ABCC4: variants seen among roughly 807,000 people sequenced by gnomAD.
The protein encoded by ABCC4 is ATP-binding cassette sub-family C member 4.
Under a neutral mutation model 168.5 loss-of-function variants are expected in ABCC4, and 102 were observed. The ratio of observed to expected loss-of-function variants is 0.61; its 90% CI spans 0.52 to 0.71. The LOEUF is 0.71. ABCC4 is among the 30% of genes least tolerant of loss of function. The pLI is 0.00. For missense variants in ABCC4, 1,402 were observed against 1,605.8 expected, an observed-to-expected ratio of 0.87 and a Z score of 2.17; for synonymous variants, 617 against 590.7, an observed-to-expected ratio of 1.04 and a Z score of -0.65.
intron 1 of ABCC4, among the ~76,000 whole-genome samples, chr13:95,252,979 G>C (rs1360374538): frequency 6.6e-6 from 1 of 152,210 alleles, no homozygotes; most frequent in South Asian, 2.1e-4. Context: ...AGTATCTGCT[G>C]TCTGGTGACC....
At chr13:95,238,773 G>A (rs2039849004) in intron 3 of ABCC4, among the ~76,000 whole-genome samples, 1 of 152,146 alleles carries the variant, frequency 6.6e-6, no homozygotes, top group South Asian at 2.1e-4. Context: ...GTCCAGGCTG[G>A]TCTCGAACTC....
intron 14 of ABCC4, 27 bp from the exon 15 acceptor site, chr13:95,166,394 G>A (rs1377003800): frequency 4.3e-5 from 67 of 1,567,992 alleles, no homozygotes; most frequent in Non-Finnish European, 5.6e-5. Context: ...GAATTTCAGA[G>A]AGATACATGT....
Position 95,115,563 on chromosome 13 carries a change from T to A in ABCC4, c.2535+359A>T, listed in dbSNP as rs912794760. ...TGTGGTAATACAATGCATAATTTAG[T>A]TAATCTAGGCTATCTTTCCGTGAGA... On this transcript the variant is annotated intron_variant, in intron 20 of 30. Transcript: ENST00000645237. 5.3e-5 allele frequency among the ~76,000 whole-genome samples: 8 copies of A among 151,238 alleles called. No homozygotes were observed. The East Asian group carries it at 9.7e-4, about 18-fold the overall frequency.
At chr13:95,178,547 G>T (rs1237178531) in intron 11 of ABCC4, among the ~76,000 whole-genome samples, 1 of 152,196 alleles carries the variant, frequency 6.6e-6, no homozygotes, top group Non-Finnish European at 1.5e-5. Context: ...TGATCGAGGG[G>T]GTCTGAGCAG....
At chr13:95,271,913 T>C (rs2040857672) in intron 1 of ABCC4, among the ~76,000 whole-genome samples, 1 of 152,144 alleles carries the variant, frequency 6.6e-6, no homozygotes, top group Admixed American at 6.5e-5. Flanking sequence ...CCCCACCAAC[T>C]TTAAGAAAAA....
At chr13:95,210,915 T>G (rs1387754772) in intron 4 of ABCC4, 134 bp from the exon 5 acceptor site, 10 of 571,056 alleles carry the variant, frequency 1.8e-5, no homozygotes, top group Admixed American at 8.5e-5. Flanking sequence ...ACCCCCCCAC[T>G]GCCCCCTCTC....
chr13:95,246,913 A>G, intron 3 of ABCC4, 62 bp downstream of exon 3: 1 of 1,566,012 alleles, frequency 6.4e-7, no homozygotes, highest in Non-Finnish European at 8.7e-7. Flanking sequence ...GCACCAGTCA[A>G]TGGCGAGCAC....
intron 4 of ABCC4, among the ~76,000 whole-genome samples, chr13:95,223,114 A>T (rs2039350699): frequency 6.6e-6 from 1 of 152,204 alleles, no homozygotes; most frequent in Non-Finnish European, 1.5e-5. Flanking sequence ...AAAACACCTG[A>T]AAATTTCCAA....
chr13:95,199,401 G>A (rs1255683467), intron 8 of ABCC4, among the ~76,000 whole-genome samples: 1 of 152,184 alleles, frequency 6.6e-6, no homozygotes, highest in African/African-American at 2.4e-5. Context: ...AATAGGAAAG[G>A]AGGCGGAACC....
chr13:95,172,774 A>G (rs955671078), intron 13 of ABCC4, among the ~76,000 whole-genome samples: 2 of 147,274 alleles, frequency 1.4e-5, no homozygotes, highest in African/African-American at 4.9e-5. Flanking sequence ...CTACAAAAAA[A>G]CACGAAACTT....
At chr13:95,230,976 A>G (rs529411219) in intron 4 of ABCC4, among the ~76,000 whole-genome samples, 40 of 152,350 alleles carry the variant, frequency 2.6e-4, no homozygotes, top group Non-Finnish European at 1.5e-5. Flanking sequence ...TCTGGCATAC[A>G]ATACAACACA....
intron 20 of ABCC4, among the ~76,000 whole-genome samples, chr13:95,100,982 A>G (rs2034783746): frequency 6.6e-6 from 1 of 152,170 alleles, no homozygotes; most frequent in Admixed American, 6.5e-5. Flanking sequence ...AGTGGTACTG[A>G]GACAAGTCAA....
chr13:95,096,562 A>T (rs1310334143), intron 20 of ABCC4, among the ~76,000 whole-genome samples: 2 of 152,184 alleles, frequency 1.3e-5, no homozygotes, highest in Non-Finnish European at 2.9e-5. Context: ...AAAAGCAGCC[A>T]TGAAGAGTCA....
chr13:95,180,305 G>A (rs1015209252), intron 11 of ABCC4, among the ~76,000 whole-genome samples: 5 of 152,070 alleles, frequency 3.3e-5, no homozygotes, highest in Non-Finnish European at 5.9e-5. Flanking sequence ...TGTAATCCCA[G>A]CAATTTGGGA....
At chr13:95,026,064 T>A (rs1307383866) in intron 30 of ABCC4, among the ~76,000 whole-genome samples, 2 of 151,842 alleles carry the variant, frequency 1.3e-5, no homozygotes, top group East Asian at 3.9e-4. Flanking sequence ...ATAATGAACA[T>A]AATGAAATCT....
At chr13:95,252,017 C>A (rs1448546989) in intron 1 of ABCC4, among the ~76,000 whole-genome samples, 3 of 152,148 alleles carry the variant, frequency 2.0e-5, no homozygotes, top group Non-Finnish European at 4.4e-5. Flanking sequence ...AGACGTCACC[C>A]ACCTTTAGTC....
At chr13:95,058,969 G>A (rs145820288) in intron 26 of ABCC4, among the ~76,000 whole-genome samples, 71 of 152,342 alleles carry the variant, frequency 4.7e-4, no homozygotes, top group African/African-American at 1.7e-3. Flanking sequence ...CCATCCTTAT[G>A]TCTTTTATAT....
intron 30 of ABCC4, among the ~76,000 whole-genome samples, chr13:95,030,241 G>A (rs1056632530): frequency 2.0e-5 from 3 of 151,900 alleles, no homozygotes; most frequent in South Asian, 2.1e-4. Flanking sequence ...GGCTGGTCTC[G>A]AACTCCTGAC....
intron 1 of ABCC4, among the ~76,000 whole-genome samples, chr13:95,248,598 T>C (rs2040174036): frequency 6.6e-6 from 1 of 152,120 alleles, no homozygotes; most frequent in African/African-American, 2.4e-5. Flanking sequence ...ATTAACATCA[T>C]TAATCATTAA....
Sources: gnomAD v4.1 joint callset for allele counts (sites outside exome capture counted in the v4.1 genomes callset) on GRCh38, gnomAD v4.1.1 for gene constraint, MANE v1.5 for transcripts, NCBI Gene and HGNC (gene_info 2026-07-23, HGNC 2026-07-21) for gene names.